The following LMF1 variants were observed in gnomAD, a reference collection of about 807,000 sequenced individuals.
The protein encoded by LMF1 is transmembrane protein 112.
Under a neutral mutation model 60.6 loss-of-function variants are expected in LMF1, and 68 were observed. The observed-to-expected ratio is 1.12, with a 90% CI of 0.92 to 1.37. The LOEUF (loss-of-function observed/expected upper bound fraction) is 1.37. Ranked by LOEUF, LMF1 falls within the 40% of genes most tolerant of loss-of-function variation. The probability of loss-of-function intolerance (pLI) is 0.00; values close to 1 mark genes in which losing one functional copy is unlikely to be tolerated. For synonymous variants in LMF1, 418 were observed against 324.7 expected (o/e 1.29, Z -3.09); for missense variants, 948 against 767.2 (o/e 1.24, Z -2.78).
intron 2 of LMF1, among the ~76,000 whole-genome samples, chr16:937,329 TG>T (rs2151791057): frequency 6.6e-6 from 1 of 152,354 alleles, no homozygotes; most frequent in Admixed American, 6.5e-5. Context: ...TCTGCTGTTT[TG>T]TTCTTTAAAG....
intron 3 of LMF1, among the ~76,000 whole-genome samples, chr16:920,028 G>A (rs912895413): frequency 1.3e-5 from 2 of 151,564 alleles, no homozygotes; most frequent in South Asian, 2.1e-4. Context: ...CACAACATCT[G>A]CACCGGCCCT....
chr16:921,995 T>C (rs914706244), intron 3 of LMF1, among the ~76,000 whole-genome samples: 3 of 152,170 alleles, frequency 2.0e-5, no homozygotes, highest in African/African-American at 4.8e-5. Flanking sequence ...TTAAAAATCC[T>C]GTGAGTGGGC....
upstream of LMF1, among the ~76,000 whole-genome samples, chr16:974,707 C>T (rs960770412): frequency 2.0e-5 from 3 of 152,198 alleles, no homozygotes; most frequent in Non-Finnish European, 2.9e-5. Flanking sequence ...CCAGCAGCTG[C>T]GGGCCGGCTT....
chr16:914,508 T>TCC (rs371676618), intron 3 of LMF1, among the ~76,000 whole-genome samples: 1 of 109,154 alleles, frequency 9.2e-6, no homozygotes, highest in South Asian at 2.9e-4. Flanking sequence ...CCTCCCTCCC[T>TCC]TCCATGACCA....
intron 2 of LMF1, among the ~76,000 whole-genome samples, chr16:936,298 C>T (rs1273381298): frequency 7.1e-6 from 1 of 140,502 alleles, no homozygotes; most frequent in Non-Finnish European, 1.5e-5. Flanking sequence ...GGAGAGAGGG[C>T]ACCCCGTGGG....
upstream of LMF1, among the ~76,000 whole-genome samples, chr16:974,991 T>G (rs562757969): frequency 3.7e-4 from 56 of 152,306 alleles, no homozygotes; most frequent in Admixed American, 7.8e-4. Context: ...TTTGGGCAGA[T>G]CCTGCTGTGA....
chr16:916,667 T>G (rs1043799229), intron 3 of LMF1, among the ~76,000 whole-genome samples: 1 of 152,162 alleles, frequency 6.6e-6, no homozygotes, highest in Non-Finnish European at 1.5e-5. Context: ...TCCGCCCACA[T>G]GCAGAGCCCC....
intron 3 of LMF1, among the ~76,000 whole-genome samples, chr16:914,395 A>T (rs1283203886): frequency 1.3e-5 from 2 of 152,098 alleles, no homozygotes; most frequent in Non-Finnish European, 2.9e-5. Flanking sequence ...TGCAGGACAC[A>T]GACCGGATGC....
rs574114966 is a variant in LMF1 at position 948,167 on chromosome 16, G to C, written c.503+6190C>G. 3.3e-3 allele frequency among the ~76,000 whole-genome samples: 470 copies of C among 142,988 alleles called. 3 individuals carry two copies. The highest frequency in any genetic ancestry group is 5.4e-3 in the Non-Finnish European group (355 of 65,928). 93.8% of individuals were successfully genotyped at this position (142,988 alleles called of 152,430 possible). ...AACGACAGAGTCAGAGCCAACGACA[G>C]AGTCAGCCAACGACAGAGTCAGAGA... is the stretch of plus-strand genomic sequence containing the variant. On this transcript the variant is annotated intron_variant, in intron 2 of 10. Transcript: ENST00000262301.
intron 5 of LMF1, chr16:884,233 G>C (rs1466528887): frequency 6.6e-6 from 1 of 152,176 alleles, no homozygotes; most frequent in Non-Finnish European, 1.5e-5. Context: ...CTTTCAGCCT[G>C]TGTGTCTTTG....
chr16:885,563 C>T (rs992820536), intron 5 of LMF1, among the ~76,000 whole-genome samples: 43 of 152,226 alleles, frequency 2.8e-4, no homozygotes, highest in African/African-American at 7.0e-4. Flanking sequence ...CATACAAACA[C>T]GAGCGACGAG....
intron 2 of LMF1, among the ~76,000 whole-genome samples, chr16:950,152 AATGACAGAGTCAGC>A: frequency 9.4e-6 from 1 of 105,984 alleles, no homozygotes; most frequent in Non-Finnish European, 1.8e-5. Context: ...AGTCAGAGCC[AATGACAGAGTCAGC>A]CAACGACAGA....
intron 2 of LMF1, 111 bp downstream of exon 2, chr16:954,246 G>A (rs915271858): frequency 2.6e-6 from 3 of 1,147,898 alleles, no homozygotes; most frequent in African/African-American, 3.1e-5. Flanking sequence ...CCCTCCTGAA[G>A]GAATTTAAGA....
intron 2 of LMF1, among the ~76,000 whole-genome samples, chr16:950,860 C>A (rs1228393313): frequency 6.8e-6 from 1 of 146,094 alleles, no homozygotes; most frequent in Non-Finnish European, 1.5e-5. Flanking sequence ...GAGCCAACGA[C>A]AGAGTCAGCC....
At chr16:875,290 C>T (rs187460992) in intron 6 of LMF1, among the ~76,000 whole-genome samples, 235 of 152,218 alleles carry the variant, frequency 1.5e-3, no homozygotes, top group Admixed American at 4.1e-3. Flanking sequence ...GGGCCAGCAC[C>T]GGCACTAAGG....
intron 2 of LMF1, among the ~76,000 whole-genome samples, chr16:944,048 C>G (rs2072176974): frequency 6.6e-6 from 1 of 152,158 alleles, no homozygotes; most frequent in African/African-American, 2.4e-5. Flanking sequence ...TCCAAAAGCT[C>G]AGTTAGGGTC....
At chr16:924,376 G>A (rs73499234) in intron 3 of LMF1, among the ~76,000 whole-genome samples, 10,969 of 152,232 alleles carry the variant, frequency 0.072, 448 homozygotes, top group Non-Finnish European at 0.091. Context: ...ATTATAAGTC[G>A]TGTAATACAA....
intron 2 of LMF1, among the ~76,000 whole-genome samples, chr16:953,490 GCCTCCT>G (rs1292019393): frequency 1.3e-4 from 3 of 23,432 alleles, no homozygotes; most frequent in African/African-American, 2.8e-4. Context: ...CCCCAAACCA[GCCTCCT>G]GCACGTCCAC....
chr16:960,288 C>A (rs183669038), intron 1 of LMF1, among the ~76,000 whole-genome samples: 1 of 144,088 alleles, frequency 6.9e-6, no homozygotes, highest in Non-Finnish European at 1.5e-5. Flanking sequence ...ATAACCCAGA[C>A]AAAGACTCAC....
Sources: gnomAD v4.1 joint callset for allele counts (sites outside exome capture counted in the v4.1 genomes callset) on GRCh38, gnomAD v4.1.1 for gene constraint, MANE v1.5 for transcripts, NCBI Gene and HGNC (gene_info 2026-07-23, HGNC 2026-07-21) for gene names.